The following DEPDC1 variants were observed in gnomAD, a reference collection of about 807,000 sequenced individuals.
DEPDC1 encodes the protein DEP domain containing 1.
DEPDC1 carries 66 observed loss-of-function variants against 86.8 expected under a neutral mutation model. The observed-to-expected ratio is 0.76, with a 90% confidence interval of 0.62 to 0.93. The LOEUF is 0.93. DEPDC1 is among the 40% of genes least tolerant of loss of function. DEPDC1 has a pLI of 0.00. For synonymous variants in DEPDC1, 255 were observed against 314.9 expected, an observed-to-expected ratio of 0.81 and a Z score of 2.02; for missense variants, 792 against 935.7, an observed-to-expected ratio of 0.85 and a Z score of 2.00.
chr1:68,482,075 G>A lies in DEPDC1; in HGVS notation c.1733C>T (p.Pro578Leu), dbSNP rs764099361. The A allele has an allele frequency of 5.6e-6, 9 of 1,602,116 alleles. No individual in the cohort carries two copies. Among genetic ancestry groups the A allele is most frequent in the South Asian group, 1.1e-5 (1 of 88,534 alleles). ...TGTGCCAGTCAACATAGAAGAAGCT[G>A]GAAGTAAAGAATTTTCTGAAAGTTC... is the stretch of plus-strand genomic sequence containing the variant. ...TIELSENSLLPASSMLTGTQS... is the reference protein window; with the variant it reads ...TIELSENSLLLASSMLTGTQS... Residue 578 changes from proline (P) to leucine (L), a missense_variant, in exon 8 of 12, where the codon CCA (proline) becomes CTA (leucine). By Grantham distance (98) the Pro-to-Leu change is moderately conservative. Transcript: ENST00000456315.
In DEPDC1 at chr1:68,476,158, G is replaced by C. The variant is rs1646113548; in HGVS notation, c.*774C>G. ...TAAAAAATAAATACCTTATGGAAGA[G>C]ATTATATGTTTTATTTATCATTGTC... is the stretch of plus-strand genomic sequence containing the variant. On this transcript the variant is annotated 3_prime_UTR_variant, in exon 12 of 12. Coordinates refer to ENST00000456315, the MANE Select transcript of DEPDC1 (RefSeq NM_001114120.3). 1 of 151,766 alleles carries C rather than the reference G, an allele frequency of 6.6e-6. No individual in the cohort carries two copies. The highest frequency in any genetic ancestry group is 1.5e-5 in the Non-Finnish European group (1 of 67,756). 9.4% of individuals were successfully genotyped at this position (151,766 alleles called of 1,614,324 possible).
rs1214568504 is a variant in DEPDC1, at chr1:68,488,968, C to T, written c.538G>A (p.Glu180Lys). 9 of 1,605,812 alleles carry T rather than the reference C, an allele frequency of 5.6e-6. No homozygotes were observed. Among genetic ancestry groups the T allele is most frequent in the Non-Finnish European group, 7.7e-6 (9 of 1,175,210 alleles). The change falls in exon 4 of 12, where the codon GAA becomes AAA. Residue 180 changes from glutamate (E) to lysine (K), a missense_variant. Transcript: ENST00000456315. ...EDQENAIDNR[E>K]LSQEDVEEVW... ...TCTTCAACATCTTCCTGGCTTAGTT[C>T]TCTATTATCAATTGCATTTTCTTGA...
intron 7 of DEPDC1, chr1:68,483,687 C>A: frequency 7.0e-6 from 2 of 287,706 alleles, no homozygotes; most frequent in Non-Finnish European, 1.3e-5. Flanking sequence ...TTATAATAAA[C>A]TAATAGTCAT....
At chr1:68,488,138 T>C (rs1418808552) in intron 5 of DEPDC1, among the ~76,000 whole-genome samples, 1 of 151,902 alleles carries the variant, frequency 6.6e-6, no homozygotes, top group Non-Finnish European at 1.5e-5. Flanking sequence ...CTTAACTTTG[T>C]CATTTTTTTA....
chr1:68,483,365 T>C (rs1646171413), intron 7 of DEPDC1: 1 of 501,868 alleles, frequency 2.0e-6, no homozygotes. Context: ...TCTGAGTTCA[T>C]GCTAAGGTAA....
At chr1:68,480,250 T>TA (rs142939715) in intron 9 of DEPDC1, among the ~76,000 whole-genome samples, 72,495 of 131,078 alleles carry the variant, frequency 0.55, 18,663 homozygotes, top group Middle Eastern at 0.75. Flanking sequence ...CCTCTAACTG[T>TA]ACCACACACA....
chr1:68,477,180 A>G, intron 11 of DEPDC1, 111 bp from the exon 12 acceptor site: 1 of 808,018 alleles, frequency 1.2e-6, no homozygotes, highest in Non-Finnish European at 1.9e-6. Context: ...TAGTATAGAG[A>G]TTAGTATCCT....
At chr1:68,487,113 G>A in intron 5 of DEPDC1, 129 bp from the exon 6 acceptor site, 2 of 684,500 alleles carry the variant, frequency 2.9e-6, no homozygotes, top group Non-Finnish European at 4.4e-6. Context: ...ATTTGTATAT[G>A]TGTGTATTAC....
At chr1:68,485,645 T>C (rs1646188360) in intron 6 of DEPDC1, among the ~76,000 whole-genome samples, 1 of 152,080 alleles carries the variant, frequency 6.6e-6, no homozygotes, top group Non-Finnish European at 1.5e-5. Context: ...AGTATGCCTA[T>C]CTGAATTCCT....
chr1:68,478,470 G>C (rs966619496), intron 10 of DEPDC1, among the ~76,000 whole-genome samples: 1 of 150,034 alleles, frequency 6.7e-6, no homozygotes, highest in African/African-American at 2.4e-5. Context: ...TGAGGCCTAG[G>C]GACATAGGCA....
chr1:68,485,200 A>C (rs944808041), intron 6 of DEPDC1, among the ~76,000 whole-genome samples: 1 of 151,866 alleles, frequency 6.6e-6, no homozygotes, highest in Admixed American at 6.6e-5. Context: ...ACTCTTAACA[A>C]CAGAGCAAAA....
At position 68,488,972 on chromosome 1, in the gene DEPDC1, A is replaced by G. The variant is rs1453714502; in HGVS notation, c.534T>C (p.Asn178=). The G allele has an allele frequency of 1.2e-6, 2 of 1,606,652 alleles. No homozygotes were observed. The highest frequency in any genetic ancestry group is 1.7e-5 in the Admixed American group (1 of 59,828). The part of the protein sequence containing the change: ...INEDQENAID[N]RELSQEDVEE... ...CAACATCTTCCTGGCTTAGTTCTCTATTATCAATTGCATTTTCTTGATCTT... is the reference window on the plus strand; with the variant it reads ...CAACATCTTCCTGGCTTAGTTCTCTGTTATCAATTGCATTTTCTTGATCTT... The change falls in exon 4 of 12, where the codon AAT becomes AAC. Residue 178 remains asparagine, a synonymous_variant. Transcript: ENST00000456315.
chr1:68,475,296 C>A lies in DEPDC1; in HGVS notation c.*1636G>T, dbSNP rs989625838. 1 of 151,768 alleles carries A rather than the reference C, an allele frequency of 6.6e-6. No homozygotes were observed. The highest frequency in any genetic ancestry group is 2.4e-5 in the African/African-American group (1 of 41,372). The allele number at this position is 151,768 out of a possible 1,614,324, so 9.4% of individuals were successfully genotyped here. Reference sequence around the variant, plus strand: ...CTGCCTTTATTATTTATATATTTGTCTATAATACAAAAGCAAAATTATATT... The same window carrying A: ...CTGCCTTTATTATTTATATATTTGTATATAATACAAAAGCAAAATTATATT... On this transcript the variant is annotated 3_prime_UTR_variant, in exon 12 of 12. Coordinates refer to ENST00000456315, the MANE Select transcript of DEPDC1 (RefSeq NM_001114120.3).
chr1:68,495,074 G>A (rs938497347), intron 1 of DEPDC1, among the ~76,000 whole-genome samples: 15 of 152,006 alleles, frequency 9.9e-5, no homozygotes, highest in African/African-American at 1.9e-4. Context: ...CCTGGGAGGC[G>A]GAGGTTGCGG....
chr1:68,481,877 G>A (rs1226037841), intron 8 of DEPDC1, 169 bp downstream of exon 8: 7 of 712,138 alleles, frequency 9.8e-6, no homozygotes, highest in East Asian at 2.9e-5. Flanking sequence ...AAGTTCCTTA[G>A]GTAAACAGAA....
At position 68,486,881 on chromosome 1, in the gene DEPDC1, AACACACACAC is replaced by A. The variant is rs55915411; in HGVS notation, c.769+46_769+55del. On this transcript the variant is annotated intron_variant, in intron 6 of 11. Coordinates refer to ENST00000456315, the MANE Select transcript of DEPDC1 (RefSeq NM_001114120.3). ...GGTTCTTGTTAAATACTATCAATAT[AACACACACAC>A]ACACACACACACACACACACACACA... is the stretch of plus-strand genomic sequence containing the variant. 2.5e-3 allele frequency: 2,907 copies of A among 1,177,044 alleles called. 35 individuals are homozygous for A. The African/African-American group carries it at 0.038, about 15-fold the overall frequency. 72.9% of individuals were successfully genotyped at this position (1,177,044 alleles called of 1,614,324 possible).
Position 68,488,369 on chromosome 1 carries a change from C to T in DEPDC1, c.721+5G>A. 1.3e-6 allele frequency: 2 copies of T among 1,575,984 alleles called. No homozygotes were observed. Among genetic ancestry groups the T allele is most frequent in the South Asian group, 2.4e-5 (2 of 82,714 alleles). ...TAAAAGTCCAATTATTTTATTAATA[C>T]CAACCTGATTTGTTTTGTAGTATAA... On this transcript the variant is annotated splice_donor_5th_base_variant and intron_variant, in intron 5 of 11. Coordinates refer to ENST00000456315, the MANE Select transcript of DEPDC1 (RefSeq NM_001114120.3).
chr1:68,480,468 G>C (rs1272540827), intron 9 of DEPDC1, among the ~76,000 whole-genome samples: 2 of 151,962 alleles, frequency 1.3e-5, no homozygotes, highest in African/African-American at 4.8e-5. Context: ...TAGCCTTGTA[G>C]AGCTCATCTA....
chr1:68,496,752 C>A lies in DEPDC1; in HGVS notation c.48+200G>T, dbSNP rs1646268489. 1 of 541,282 alleles carries A rather than the reference C, an allele frequency of 1.8e-6. No individual in the cohort carries two copies. Among genetic ancestry groups the A allele is most frequent in the Non-Finnish European group, 3.3e-6 (1 of 303,818 alleles). The allele number at this position is 541,282 out of a possible 1,614,324, so 33.5% of individuals were successfully genotyped here. A position where few individuals can be genotyped will look rare whatever the true frequency, so the allele number is the denominator to read the frequency against. On this transcript the variant is annotated intron_variant, in intron 1 of 11. Transcript: ENST00000456315. The surrounding 1 kb of genome is among the most constrained non-coding windows in gnomAD (Gnocchi z 4.0). ...CTTCCTTTCGGACCTGAGGCCCAGA[C>A]CCTCAAAATAGAGGGAGCGGTGAGT...
Sources: allele counts gnomAD v4.1 joint callset (sites outside exome capture counted in the v4.1 genomes callset), GRCh38; gene constraint gnomAD v4.1.1; non-coding constraint Gnocchi (gnomAD v3.1); transcripts MANE v1.5; gene names NCBI Gene and HGNC (gene_info 2026-07-23, HGNC 2026-07-21).